The following DNAJC15 variants were observed in gnomAD, a reference collection of about 807,000 sequenced individuals.
The protein encoded by DNAJC15 is dnaJ homolog subfamily C member 15.
DNAJC15 carries 27 observed loss-of-function variants against 22.4 expected under a neutral mutation model. That is an observed-to-expected ratio of 1.20 (90% CI 0.89 to 1.66). The LOEUF (loss-of-function observed/expected upper bound fraction) is 1.66, where lower values mean the gene tolerates loss of function less well. DNAJC15 is among the 40% of genes most tolerant of loss of function. The pLI is 0.00. For missense variants in DNAJC15, 208 were observed against 187.1 expected, an observed-to-expected ratio of 1.11 and a Z score of -0.65; for synonymous variants, 79 against 63.2, an observed-to-expected ratio of 1.25 and a Z score of -1.19.
At chr13:43,101,150 G>C (rs947860176) in intron 5 of DNAJC15, among the ~76,000 whole-genome samples, 3 of 152,162 alleles carry the variant, frequency 2.0e-5, no homozygotes, top group African/African-American at 7.2e-5. Context: ...AATCTAAAGT[G>C]TGTCTCCTGT....
In DNAJC15 at chr13:43,080,663, A is replaced by G. The variant is rs879864265; in HGVS notation, c.311+1975A>G. Among the ~76,000 whole-genome samples the G allele has an allele frequency of 2.0e-5, 3 of 152,192 alleles. No homozygotes were observed. In the East Asian group the frequency reaches 5.8e-4, roughly 29 times the overall value. On this transcript the variant is annotated intron_variant, in intron 4 of 5. Coordinates refer to ENST00000379221, the MANE Select transcript of DNAJC15 (RefSeq NM_013238.3). ...GTTTTGTTTTGTTTTTAGCTTTTCT[A>G]TACTTTGGCTTCTTCATTTTTGAAT...
intron 1 of DNAJC15, among the ~76,000 whole-genome samples, chr13:43,044,013 T>G (rs903580640): frequency 2.0e-5 from 3 of 151,978 alleles, no homozygotes; most frequent in African/African-American, 7.3e-5. Flanking sequence ...CATTTTATTG[T>G]GTCTGACACT....
intron 1 of DNAJC15, among the ~76,000 whole-genome samples, chr13:43,053,651 TTTTG>T (rs143114187): frequency 0.043 from 6,411 of 150,298 alleles, 470 homozygotes; most frequent in African/African-American, 0.15. Context: ...CTTTGTAATT[TTTTG>T]TTTGTTTTTT....
chr13:43,059,747 G>A (rs1459678477), intron 1 of DNAJC15, among the ~76,000 whole-genome samples: 1 of 152,206 alleles, frequency 6.6e-6, no homozygotes, highest in Non-Finnish European at 1.5e-5. Flanking sequence ...TCACCTGGGT[G>A]CAGGCGGGCT....
In DNAJC15 at chr13:43,107,455, TC is replaced by T; in HGVS notation, c.*208del. The T allele has an allele frequency of 8.4e-6, 3 of 356,924 alleles. No individual in the cohort carries two copies. The Admixed American group carries it at 1.4e-4, about 17-fold the overall frequency. The allele number at this position is 356,924 out of a possible 1,614,324, so 22.1% of individuals were successfully genotyped here. ...AGATCTCCTTAAATTCTATAACTGA[TC>T]TTTTTTCTTATTTTGTTTGTGACAT... On this transcript the variant is annotated 3_prime_UTR_variant, in exon 6 of 6. Coordinates refer to ENST00000379221, the MANE Select transcript of DNAJC15 (RefSeq NM_013238.3).
chr13:43,045,664 G>A (rs924005897), intron 1 of DNAJC15, among the ~76,000 whole-genome samples: 7 of 152,126 alleles, frequency 4.6e-5, no homozygotes, highest in Non-Finnish European at 8.8e-5. Context: ...ATGCAGGCTC[G>A]GGCGTGGTTT....
At chr13:43,088,528 AT>A (rs144024579) in intron 5 of DNAJC15, among the ~76,000 whole-genome samples, 4 of 152,266 alleles carry the variant, frequency 2.6e-5, no homozygotes, top group Non-Finnish European at 4.4e-5. Context: ...CAGTGGGGAG[AT>A]TCTCAACCTT....
chr13:43,093,534 T>C (rs1272888348), intron 5 of DNAJC15, among the ~76,000 whole-genome samples: 1 of 152,152 alleles, frequency 6.6e-6, no homozygotes, highest in Non-Finnish European at 1.5e-5. Context: ...CCCTAGCCTC[T>C]CAAGTACTTG....
intron 3 of DNAJC15, among the ~76,000 whole-genome samples, chr13:43,072,461 C>T (rs546811162): frequency 6.6e-6 from 1 of 152,224 alleles, no homozygotes; most frequent in South Asian, 2.1e-4. Context: ...TTTCCATCTC[C>T]TTATCTTTCT....
intron 3 of DNAJC15, among the ~76,000 whole-genome samples, chr13:43,076,658 G>A (rs2040635298): frequency 6.6e-6 from 1 of 152,080 alleles, no homozygotes; most frequent in African/African-American, 2.4e-5. Context: ...AATCATATAT[G>A]TGTATGTTTC....
At position 43,028,796 on chromosome 13, in the gene DNAJC15, G is replaced by A. The variant is rs1404541661; in HGVS notation, c.108+5062G>A. Among the ~76,000 whole-genome samples, 11 of 152,160 alleles carry A rather than the reference G, an allele frequency of 7.2e-5. No individual in the cohort carries two copies. The East Asian group carries it at 1.7e-3, about 24-fold the overall frequency. Reference sequence around the variant, plus strand: ...TTTTTTTTAAAGACACATCCAGTGTGAAGCCTTCCCTGACCCCAGTTCCCT... The same window carrying A: ...TTTTTTTTAAAGACACATCCAGTGTAAAGCCTTCCCTGACCCCAGTTCCCT... On this transcript the variant is annotated intron_variant, in intron 1 of 5. Coordinates refer to ENST00000379221, the MANE Select transcript of DNAJC15 (RefSeq NM_013238.3).
chr13:43,102,191 G>A (rs995131177), intron 5 of DNAJC15, among the ~76,000 whole-genome samples: 2 of 152,024 alleles, frequency 1.3e-5, no homozygotes, highest in African/African-American at 4.8e-5. Context: ...GTGATATTGA[G>A]CATTTTTTTA....
intron 4 of DNAJC15, among the ~76,000 whole-genome samples, chr13:43,082,857 T>TATATATATATACAC (rs144193543): frequency 3.5e-4 from 53 of 149,572 alleles, no homozygotes; most frequent in African/African-American, 1.2e-3. Context: ...TATATATATA[T>TATATATATATACAC]ATACACACAT....
chr13:43,074,762 A>G (rs1593322944), intron 3 of DNAJC15, among the ~76,000 whole-genome samples: 10 of 152,196 alleles, frequency 6.6e-5, no homozygotes, highest in Admixed American at 5.9e-4. Context: ...AATTTTCTAG[A>G]AGTTTAGGAA....
At chr13:43,065,594 A>G in intron 1 of DNAJC15, 92 bp from the exon 2 acceptor site, 1 of 1,039,222 alleles carries the variant, frequency 9.6e-7, no homozygotes, top group Non-Finnish European at 1.5e-6. Flanking sequence ...AAAGTGTAGT[A>G]TTGTAATGTA....
intron 1 of DNAJC15, among the ~76,000 whole-genome samples, chr13:43,062,243 A>C (rs1318216192): frequency 6.6e-6 from 1 of 152,228 alleles, no homozygotes; most frequent in Non-Finnish European, 1.5e-5. Context: ...AGTTGTAGGC[A>C]TGAAAGAGGA....
At chr13:43,033,423 A>T (rs1182053756) in intron 1 of DNAJC15, among the ~76,000 whole-genome samples, 1 of 152,168 alleles carries the variant, frequency 6.6e-6, no homozygotes, top group Non-Finnish European at 1.5e-5. Context: ...CTGGAAAAAA[A>T]AAATAAACCA....
intron 1 of DNAJC15, among the ~76,000 whole-genome samples, chr13:43,039,411 T>C (rs148381984): frequency 1.3e-5 from 2 of 152,358 alleles, no homozygotes; most frequent in Non-Finnish European, 2.9e-5. Flanking sequence ...TGCCTTTGCA[T>C]GTACCTTTCC....
chr13:43,048,083 G>A (rs921048395), intron 1 of DNAJC15, among the ~76,000 whole-genome samples: 8 of 152,218 alleles, frequency 5.3e-5, no homozygotes, highest in African/African-American at 1.7e-4. Context: ...ATGCCTGGAA[G>A]TTTTTAAATC....
Sources: allele counts gnomAD v4.1 joint callset (sites outside exome capture counted in the v4.1 genomes callset), GRCh38; gene constraint gnomAD v4.1.1; transcripts MANE v1.5; gene names NCBI Gene and HGNC (gene_info 2026-07-23, HGNC 2026-07-21).